The following EXOC2 variants were observed in gnomAD, a reference collection of about 807,000 sequenced individuals.
EXOC2 encodes the protein exocyst complex component 2.
A neutral mutation model predicts 131.8 loss-of-function variants in EXOC2; 70 were observed. That is an observed-to-expected ratio of 0.53 (90% CI 0.44 to 0.65). The LOEUF is 0.65. Ranked by LOEUF, EXOC2 falls within the 30% of genes least tolerant of loss-of-function variation. The pLI is 0.00. For missense variants in EXOC2, 923 were observed against 1,108.6 expected (o/e 0.83, Z 2.38); for synonymous variants, 411 against 398.4 (o/e 1.03, Z -0.38).
At chr6:669,900 C>CA (rs2127773748) in intron 1 of EXOC2, 1 of 152,402 alleles carries the variant, frequency 6.6e-6, no homozygotes, top group East Asian at 1.9e-4. Context: ...ATGGGTCCCT[C>CA]ATGATTTCCT....
At chr6:650,071 C>T (rs1612811) in intron 1 of EXOC2, among the ~76,000 whole-genome samples, 119,533 of 152,122 alleles carry the variant, frequency 0.79, 47,672 homozygotes, top group Non-Finnish European at 0.85. Context: ...GACAAAATGA[C>T]AATGCCCCTC....
intron 23 of EXOC2, among the ~76,000 whole-genome samples, chr6:501,070 ATATC>A (rs1486319814): frequency 6.1e-5 from 8 of 131,018 alleles, no homozygotes; most frequent in East Asian, 2.0e-4. Context: ...ATATATCTAT[ATATC>A]TATATATCTA....
Position 633,052 on chromosome 6 carries a change from A to G in EXOC2, c.184T>C (p.Cys62Arg). ...TCATTTTTGGCTTGTCCCACTCGAC[A>G]TACTATTTTACTTGCAGACATCCAT... Reference protein sequence around the residue: ...AEWMSASKIVCRVGQAKNDKG... With the variant: ...AEWMSASKIVRRVGQAKNDKG... Residue 62 changes from cysteine (C) to arginine (R), a missense_variant, in exon 3 of 28, where the codon TGT (cysteine) becomes CGT (arginine). By Grantham distance (180) the Cys-to-Arg change is radical. Coordinates refer to ENST00000230449, the MANE Select transcript of EXOC2 (RefSeq NM_018303.6). The G allele has an allele frequency of 1.9e-6, 3 of 1,614,170 alleles. No homozygotes were observed. The highest frequency in any genetic ancestry group is 2.5e-6 in the Non-Finnish European group (3 of 1,180,032).
chr6:638,885 C>A (rs769927230), intron 1 of EXOC2, among the ~76,000 whole-genome samples: 1 of 152,060 alleles, frequency 6.6e-6, no homozygotes. Context: ...GCCGAGATTG[C>A]GCCACTGCAC....
rs1006679183 is a variant in EXOC2, at chr6:572,709, A to G, written c.1319-65T>C. 2.7e-5 allele frequency: 42 copies of G among 1,567,230 alleles called. No homozygotes were observed. In the African/African-American group the frequency reaches 5.6e-4, roughly 21 times the overall value. ...GAATCAAGAAAACACCTTTGAGCAT[A>G]TTGGCGCACCCCCCTCCACTCCCGC... On this transcript the variant is annotated intron_variant, in intron 12 of 27. Transcript: ENST00000230449.
chr6:610,939 G>A (rs1760681866), intron 6 of EXOC2, among the ~76,000 whole-genome samples: 1 of 152,228 alleles, frequency 6.6e-6, no homozygotes, highest in Non-Finnish European at 1.5e-5. Context: ...AGCTACTGCA[G>A]TTGAATTGTC....
Position 570,412 on chromosome 6 carries a change from C to T in EXOC2, c.1443+2108G>A, listed in dbSNP as rs190202728. Reference sequence around the variant, plus strand: ...CCTCCCAAAGTGCTGGGATTATAGGCATGAGCCACCGCGCCTGGCCCTAAA... The same window carrying T: ...CCTCCCAAAGTGCTGGGATTATAGGTATGAGCCACCGCGCCTGGCCCTAAA... On this transcript the variant is annotated intron_variant, in intron 13 of 27. Coordinates refer to ENST00000230449, the MANE Select transcript of EXOC2 (RefSeq NM_018303.6). 1.4e-3 allele frequency among the ~76,000 whole-genome samples: 214 copies of T among 152,346 alleles called. 1 individual carries two copies. The highest frequency in any genetic ancestry group is 4.9e-3 in the African/African-American group (202 of 41,574).
chr6:502,823 C>T (rs1237445998), intron 23 of EXOC2, among the ~76,000 whole-genome samples: 1 of 152,140 alleles, frequency 6.6e-6, no homozygotes, highest in Non-Finnish European at 1.5e-5. Context: ...AAATAATTGC[C>T]TTCTTTCCCC....
intron 12 of EXOC2, among the ~76,000 whole-genome samples, chr6:575,202 C>T (rs1561876359): frequency 1.3e-5 from 2 of 152,124 alleles, no homozygotes; most frequent in East Asian, 1.9e-4. Context: ...CCGTGTGCCC[C>T]GAGAACACTC....
At chr6:692,810 C>T (rs957116466) in intron 1 of EXOC2, among the ~76,000 whole-genome samples, 4 of 85,184 alleles carry the variant, frequency 4.7e-5, no homozygotes, top group Non-Finnish European at 1.1e-4. Flanking sequence ...GGGCGCGGAG[C>T]CCAGCAGGCG....
chr6:550,041 C>T (rs917026201), intron 21 of EXOC2, among the ~76,000 whole-genome samples: 8 of 152,360 alleles, frequency 5.3e-5, no homozygotes, highest in Non-Finnish European at 1.2e-4. Flanking sequence ...TCAAGACTAC[C>T]TGGTAAATAA....
intron 23 of EXOC2, among the ~76,000 whole-genome samples, chr6:503,707 G>C (rs542759474): frequency 6.6e-6 from 1 of 152,216 alleles, no homozygotes; most frequent in African/African-American, 2.4e-5. Context: ...CAGAGGAAGG[G>C]CAAAGGGCCT....
chr6:547,513 G>A lies in EXOC2; in HGVS notation c.2238+1662C>T, dbSNP rs574280112. Reference sequence around the variant, plus strand: ...GCCCTGTGACTCTTCTGGGATCGATGCCCCTAGAATTATTTGTCTTTTGGA... The same window carrying A: ...GCCCTGTGACTCTTCTGGGATCGATACCCCTAGAATTATTTGTCTTTTGGA... On this transcript the variant is annotated intron_variant, in intron 22 of 27. Coordinates refer to ENST00000230449, the MANE Select transcript of EXOC2 (RefSeq NM_018303.6). Among the ~76,000 whole-genome samples the A allele has an allele frequency of 5.3e-5, 8 of 152,296 alleles. No individual in the cohort carries two copies. In the South Asian group the frequency reaches 1.5e-3, roughly 28 times the overall value.
At chr6:553,279 T>C (rs1016685412) in intron 21 of EXOC2, among the ~76,000 whole-genome samples, 1 of 152,152 alleles carries the variant, frequency 6.6e-6, no homozygotes. Flanking sequence ...TTTATACACA[T>C]GATAATATAT....
At chr6:565,108 C>T (rs1442271917) in intron 13 of EXOC2, among the ~76,000 whole-genome samples, 179 bp from the exon 14 acceptor site, 4 of 152,164 alleles carry the variant, frequency 2.6e-5, no homozygotes. Context: ...TTTCTTATCC[C>T]AATGAGAAGT....
intron 17 of EXOC2, among the ~76,000 whole-genome samples, chr6:561,115 A>G (rs972371171): frequency 1.3e-5 from 2 of 152,240 alleles, no homozygotes; most frequent in African/African-American, 4.8e-5. Flanking sequence ...TTAATTTGCA[A>G]AAAAGCATTG....
chr6:650,698 T>C (rs1762789807), intron 1 of EXOC2, among the ~76,000 whole-genome samples: 1 of 152,208 alleles, frequency 6.6e-6, no homozygotes, highest in East Asian at 1.9e-4. Flanking sequence ...TAATGAATTA[T>C]TAAAAGTAAA....
Position 676,708 on chromosome 6 carries a change from C to T in EXOC2, c.-44+16311G>A, listed in dbSNP as rs1259253415. ...CGGTTCCCCATACTCTTCAACATTA[C>T]GGAAAGGACAGGTTCCTCTGGAGAC... On this transcript the variant is annotated intron_variant, in intron 1 of 27. Transcript: ENST00000230449. Among the ~76,000 whole-genome samples the T allele has an allele frequency of 3.7e-5, 3 of 82,118 alleles. 1 individual carries two copies. The highest frequency in any genetic ancestry group is 8.4e-5 in the Non-Finnish European group (3 of 35,718). 53.9% of individuals were successfully genotyped at this position (82,118 alleles called of 152,430 possible).
At chr6:686,876 C>T (rs1764679723) in intron 1 of EXOC2, among the ~76,000 whole-genome samples, 1 of 151,970 alleles carries the variant, frequency 6.6e-6, no homozygotes, top group Admixed American at 6.6e-5. Context: ...CAAATTCATC[C>T]CCCTCCATCC....
Sources: allele counts gnomAD v4.1 joint callset (sites outside exome capture counted in the v4.1 genomes callset), GRCh38; gene constraint gnomAD v4.1.1; transcripts MANE v1.5; gene names NCBI Gene and HGNC (gene_info 2026-07-23, HGNC 2026-07-21).